CADPS: variants seen among roughly 807,000 people sequenced by gnomAD.
The protein encoded by CADPS is calcium-dependent secretion activator 1.
Under a neutral mutation model 167.3 loss-of-function variants are expected in CADPS, and 57 were observed. The ratio of observed to expected loss-of-function variants is 0.34; its 90% CI spans 0.28 to 0.42. The LOEUF (loss-of-function observed/expected upper bound fraction) is 0.42. CADPS is among the 20% of genes least tolerant of loss of function. The pLI is 1.00. For missense variants in CADPS, 1,414 were observed against 1,738.1 expected (o/e 0.81, Z 3.32); for synonymous variants, 676 against 635.3 (o/e 1.06, Z -0.96).
chr3:62,403,201 A>G lies in CADPS; in HGVS notation c.3778-16T>C, dbSNP rs537694097. The G allele has an allele frequency of 2.5e-6, 4 of 1,574,160 alleles. No homozygotes were observed. The highest frequency in any genetic ancestry group is 4.5e-5 in the East Asian group (2 of 44,652). On this transcript the variant is annotated splice_polypyrimidine_tract_variant and intron_variant, in intron 28 of 29. Coordinates refer to ENST00000383710, the MANE Select transcript of CADPS (RefSeq NM_003716.4). The stretch of plus-strand genomic sequence containing the variant: ...TGTACCATTGCTGAAAAAAGAGACA[A>G]AAGTTCTCCAGCCAACACATCATGG...
chr3:62,486,085 T>C, intron 21 of CADPS, among the ~76,000 whole-genome samples: 1 of 152,236 alleles, frequency 6.6e-6, no homozygotes, highest in African/African-American at 2.4e-5. Flanking sequence ...GTAACAATTT[T>C]ACTTCACATG....
At chr3:62,815,817 C>T (rs1345608046) in intron 1 of CADPS, among the ~76,000 whole-genome samples, 2 of 152,026 alleles carry the variant, frequency 1.3e-5, no homozygotes, top group Non-Finnish European at 2.9e-5. Context: ...TCCTGCACTC[C>T]CTAGGTCCAG....
chr3:62,598,208 G>A (rs1052684072), intron 6 of CADPS, among the ~76,000 whole-genome samples: 1 of 152,132 alleles, frequency 6.6e-6, no homozygotes, highest in African/African-American at 2.4e-5. Flanking sequence ...TGTAGAAGAT[G>A]TGCAGCTATA....
At chr3:62,410,491 G>C (rs544825599) in intron 28 of CADPS, among the ~76,000 whole-genome samples, 1 of 152,322 alleles carries the variant, frequency 6.6e-6, no homozygotes, top group East Asian at 1.9e-4. Flanking sequence ...CAGCTAGCAA[G>C]AGATGGAACA....
Position 62,588,466 on chromosome 3 carries a change from T to C in CADPS, c.1438-3142A>G, listed in dbSNP as rs534365107. ...TGGACACAGAGGGCCTACAATCCTATAATATTGCAGGGTTGGGAAGGATGC... is the reference window on the plus strand; with the variant it reads ...TGGACACAGAGGGCCTACAATCCTACAATATTGCAGGGTTGGGAAGGATGC... On this transcript the variant is annotated intron_variant, in intron 7 of 29. Coordinates refer to ENST00000383710, the MANE Select transcript of CADPS (RefSeq NM_003716.4). 1.4e-4 allele frequency among the ~76,000 whole-genome samples: 22 copies of C among 152,200 alleles called. No homozygotes were observed. In the South Asian group the frequency reaches 1.9e-3, roughly 13 times the overall value.
intron 29 of CADPS, among the ~76,000 whole-genome samples, chr3:62,401,184 T>C (rs1201888635): frequency 6.7e-6 from 1 of 149,972 alleles, no homozygotes; most frequent in Non-Finnish European, 1.5e-5. Flanking sequence ...GAATAAATGT[T>C]AGGCATGGTG....
At chr3:62,400,588 TC>T (rs1307609345) in intron 29 of CADPS, among the ~76,000 whole-genome samples, 5 of 118,590 alleles carry the variant, frequency 4.2e-5, no homozygotes, top group African/African-American at 1.5e-4. Context: ...CATCATTCTT[TC>T]TTTTTTTTTT....
intron 3 of CADPS, among the ~76,000 whole-genome samples, chr3:62,697,590 A>G (rs1048842954): frequency 1.3e-5 from 2 of 151,918 alleles, no homozygotes; most frequent in African/African-American, 4.8e-5. Flanking sequence ...TCTTTTTTGT[A>G]TAATGGTTTC....
intron 6 of CADPS, among the ~76,000 whole-genome samples, chr3:62,605,062 T>G (rs1425442429): frequency 2.0e-5 from 3 of 152,224 alleles, no homozygotes; most frequent in Admixed American, 6.5e-5. Context: ...ATTGTGTCTT[T>G]GGAACTTGAA....
chr3:62,555,101 G>T lies in CADPS; in HGVS notation c.1753+2304C>A, dbSNP rs56280787. On this transcript the variant is annotated intron_variant, in intron 10 of 29. Coordinates refer to ENST00000383710, the MANE Select transcript of CADPS (RefSeq NM_003716.4). ...TGAGTTAGACTTTCCCATGACAACT[G>T]AGAGAATTTAAGTCTCCGTTTTCAA... Among the ~76,000 whole-genome samples, 720 of 152,268 alleles carry T rather than the reference G, an allele frequency of 4.7e-3. 4 individuals carry two copies. Among genetic ancestry groups the T allele is most frequent in the African/African-American group, 0.017 (693 of 41,550 alleles).
intron 3 of CADPS, among the ~76,000 whole-genome samples, chr3:62,735,616 G>C (rs559560371): frequency 6.6e-6 from 1 of 152,226 alleles, no homozygotes; most frequent in East Asian, 1.9e-4. Context: ...GTTCAACCCA[G>C]TACATAGCTG....
chr3:62,470,574 TAGA>T (rs1303651207), intron 24 of CADPS: 2 of 152,246 alleles, frequency 1.3e-5, no homozygotes, highest in East Asian at 1.9e-4. Context: ...CTAGACCACT[TAGA>T]AGAAGTACAT....
chr3:62,488,274 T>C (rs190099101), intron 21 of CADPS, among the ~76,000 whole-genome samples: 78 of 152,286 alleles, frequency 5.1e-4, no homozygotes, highest in African/African-American at 1.7e-3. Context: ...AGATGGAAGT[T>C]CACACTTTAT....
rs550809100 is a variant in CADPS at position 62,465,058 on chromosome 3, G to A, written c.3636+309C>T. On this transcript the variant is annotated intron_variant, in intron 26 of 29. Coordinates refer to ENST00000383710, the MANE Select transcript of CADPS (RefSeq NM_003716.4). The surrounding 1 kb of genome is among the most constrained non-coding windows in gnomAD (Gnocchi z 4.1). ...ATGAGGAAATGGTGGCCCACATTAA[G>A]TCATTTGCCAGAGCTAGCTAAGGTG... Among the ~76,000 whole-genome samples the A allele has an allele frequency of 6.6e-6, 1 of 152,260 alleles. No homozygotes were observed. Among genetic ancestry groups the A allele is most frequent in the South Asian group, 2.1e-4 (1 of 4,816 alleles).
intron 1 of CADPS, among the ~76,000 whole-genome samples, chr3:62,827,116 G>T (rs1054011091): frequency 6.6e-6 from 1 of 152,156 alleles, no homozygotes; most frequent in African/African-American, 2.4e-5. Context: ...ATGTACTGCA[G>T]AGGGTGTGGG....
At chr3:62,526,425 A>G (rs2072243482) in intron 13 of CADPS, among the ~76,000 whole-genome samples, 1 of 152,204 alleles carries the variant, frequency 6.6e-6, no homozygotes, top group Non-Finnish European at 1.5e-5. Flanking sequence ...AAGAAATGTT[A>G]AATAATAATG....
At chr3:62,716,709 C>A (rs192299873) in intron 3 of CADPS, among the ~76,000 whole-genome samples, 16 of 152,320 alleles carry the variant, frequency 1.1e-4, no homozygotes, top group South Asian at 4.1e-4. Context: ...GACCAATTAA[C>A]TGAAGAGTAT....
chr3:62,520,073 C>T (rs2070086717), intron 13 of CADPS, among the ~76,000 whole-genome samples: 1 of 152,002 alleles, frequency 6.6e-6, no homozygotes, highest in Non-Finnish European at 1.5e-5. Flanking sequence ...GGAGAATTAA[C>T]CCAGAGAAAA....
intron 1 of CADPS, among the ~76,000 whole-genome samples, chr3:62,857,020 A>G (rs1386705016): frequency 6.6e-6 from 1 of 152,110 alleles, no homozygotes; most frequent in Non-Finnish European, 1.5e-5. Flanking sequence ...TCAGCTAGAC[A>G]TAAATATGTC....
Sources: gnomAD v4.1 joint callset for allele counts (sites outside exome capture counted in the v4.1 genomes callset) on GRCh38, gnomAD v4.1.1 for gene constraint, Gnocchi (gnomAD v3.1) non-coding constraint, MANE v1.5 for transcripts, NCBI Gene and HGNC (gene_info 2026-07-23, HGNC 2026-07-21) for gene names.